HDAC9: variants seen among roughly 807,000 people sequenced by gnomAD.
HDAC9 encodes the protein histone deacetylase 9.
Under a neutral mutation model 139.4 loss-of-function variants are expected in HDAC9, and 41 were observed. That is an observed-to-expected ratio of 0.29 (90% CI 0.23 to 0.38). The LOEUF is 0.38. Ranked by LOEUF, HDAC9 falls within the 10% of genes least tolerant of loss-of-function variation. The probability of loss-of-function intolerance (pLI) is 1.00; values close to 1 mark genes in which losing one functional copy is unlikely to be tolerated. For synonymous variants in HDAC9, 517 were observed against 476.2 expected, an observed-to-expected ratio of 1.09 and a Z score of -1.12; for missense variants, 1,147 against 1,297.0, an observed-to-expected ratio of 0.88 and a Z score of 1.78.
upstream of HDAC9, among the ~76,000 whole-genome samples, chr7:18,286,946 A>G (rs950036594): frequency 3.9e-5 from 6 of 152,204 alleles, no homozygotes; most frequent in Non-Finnish European, 8.8e-5. Context: ...ATCTAATAAA[A>G]GAGATAATGT....
intron 2 of HDAC9, among the ~76,000 whole-genome samples, chr7:18,281,268 T>C (rs1797087705): frequency 6.6e-6 from 1 of 152,230 alleles, no homozygotes; most frequent in Non-Finnish European, 1.5e-5. Context: ...TGTTTTATCG[T>C]GGTATTAGTG....
At chr7:18,815,318 C>T (rs2520356) in intron 17 of HDAC9, among the ~76,000 whole-genome samples, 1,745 of 151,806 alleles carry the variant, frequency 0.011, 32 homozygotes, top group African/African-American at 0.041. Flanking sequence ...AAAAATTTGG[C>T]CAATTGAATT....
At chr7:18,105,846 T>C (rs527856733) in intron 1 of HDAC9, among the ~76,000 whole-genome samples, 5 of 152,268 alleles carry the variant, frequency 3.3e-5, no homozygotes, top group African/African-American at 9.6e-5. Flanking sequence ...ACCTGGTGAA[T>C]AGATAAACAA....
intron 17 of HDAC9, among the ~76,000 whole-genome samples, chr7:18,805,938 C>T (rs1359656314): frequency 6.6e-6 from 1 of 152,162 alleles, no homozygotes; most frequent in East Asian, 1.9e-4. Flanking sequence ...CTCCTCTCCC[C>T]AACACACAGA....
At chr7:18,667,791 A>G in intron 12 of HDAC9, 2 of 984,984 alleles carry the variant, frequency 2.0e-6, no homozygotes, top group Non-Finnish European at 2.4e-6. Context: ...CACCACAAGT[A>G]GGGAAATTGT....
intron 12 of HDAC9, among the ~76,000 whole-genome samples, chr7:18,727,211 C>G (rs1378119401): frequency 6.6e-6 from 1 of 152,194 alleles, no homozygotes; most frequent in African/African-American, 2.4e-5. Flanking sequence ...TGTTCTCCCA[C>G]GTTGTGTGGC....
intron 1 of HDAC9, among the ~76,000 whole-genome samples, chr7:18,409,414 C>CT (rs145165563): frequency 0.036 from 5,438 of 151,984 alleles, 338 homozygotes; most frequent in African/African-American, 0.12. Flanking sequence ...AACGATGGGC[C>CT]TTTTTTTCAC....
intron 12 of HDAC9, among the ~76,000 whole-genome samples, chr7:18,671,656 C>G (rs1417309105): frequency 6.6e-6 from 1 of 152,002 alleles, no homozygotes; most frequent in Non-Finnish European, 1.5e-5. Flanking sequence ...TCACTAGTAT[C>G]TAATTCCAAA....
At chr7:18,713,745 T>C (rs1784508340) in intron 12 of HDAC9, among the ~76,000 whole-genome samples, 1 of 152,148 alleles carries the variant, frequency 6.6e-6, no homozygotes, top group East Asian at 1.9e-4. Flanking sequence ...AGAAGCACCA[T>C]AGTAGATGGT....
intron 21 of HDAC9, among the ~76,000 whole-genome samples, chr7:18,870,892 G>C (rs1351058599): frequency 6.6e-6 from 1 of 152,110 alleles, no homozygotes; most frequent in African/African-American, 2.4e-5. Flanking sequence ...GGAACCCCTA[G>C]GCTCAAGCAA....
chr7:18,771,078 G>A (rs915602348), intron 16 of HDAC9, among the ~76,000 whole-genome samples: 5 of 152,108 alleles, frequency 3.3e-5, no homozygotes, highest in African/African-American at 9.7e-5. Flanking sequence ...AGCTGTGGAC[G>A]AGGGAGAACA....
intron 1 of HDAC9, among the ~76,000 whole-genome samples, chr7:18,144,256 G>C (rs186001344): frequency 6.6e-6 from 1 of 152,274 alleles, no homozygotes; most frequent in East Asian, 1.9e-4. Flanking sequence ...ACACTTTGAG[G>C]TATTTTCTTC....
intron 23 of HDAC9, among the ~76,000 whole-genome samples, chr7:18,946,218 C>A (rs112265219): frequency 2.0e-5 from 3 of 151,992 alleles, no homozygotes; most frequent in African/African-American, 7.2e-5. Flanking sequence ...GTCTTGATAT[C>A]TGCTAGAACA....
chr7:18,166,714 C>CT (rs1363710525), intron 2 of HDAC9, among the ~76,000 whole-genome samples: 1 of 152,072 alleles, frequency 6.6e-6, no homozygotes, highest in Non-Finnish European at 1.5e-5. Context: ...AAGGCCTGCC[C>CT]CTGTTTTTAA....
intron 13 of HDAC9, among the ~76,000 whole-genome samples, chr7:18,732,829 GCGTA>G (rs1343354010): frequency 9.6e-6 from 1 of 104,456 alleles, no homozygotes; most frequent in Admixed American, 8.6e-5. Context: ...GTGTATGTGT[GCGTA>G]TGTGTACACA....
At chr7:18,619,100 A>G (rs889463016) in intron 6 of HDAC9, among the ~76,000 whole-genome samples, 5 of 152,150 alleles carry the variant, frequency 3.3e-5, no homozygotes, top group Admixed American at 2.0e-4. Flanking sequence ...ATTAAAGCAT[A>G]TAAAGGAGTT....
chr7:18,225,604 G>GCAT (rs1793002522), intron 2 of HDAC9, among the ~76,000 whole-genome samples: 2 of 151,926 alleles, frequency 1.3e-5, no homozygotes, highest in African/African-American at 2.4e-5. Context: ...GCATATACAT[G>GCAT]GAATCTTAAA....
intron 22 of HDAC9, among the ~76,000 whole-genome samples, chr7:18,884,395 A>G (rs1327550267): frequency 6.6e-6 from 1 of 152,180 alleles, no homozygotes; most frequent in Non-Finnish European, 1.5e-5. Flanking sequence ...ATAAATCCAT[A>G]CACCATGGTC....
Position 18,749,066 on chromosome 7 carries a change from C to T in HDAC9, c.1971C>T (p.His657=). 1 of 1,613,732 alleles carries T rather than the reference C, an allele frequency of 6.2e-7. No individual in the cohort carries two copies. Among genetic ancestry groups the T allele is most frequent in the Non-Finnish European group, 8.5e-7 (1 of 1,179,776 alleles). The stretch of plus-strand genomic sequence containing the variant: ...GCGTTTGTGGCAATTCCACCACCCA[C>T]CCTGAGCATGCTGGACGAATACAGA... ...HQCVCGNSTT[H]PEHAGRIQSI... is the part of the protein sequence containing the mutation. The change falls in exon 14 of 26, where the codon CAC becomes CAT. Residue 657 remains histidine, a synonymous_variant. Transcript: ENST00000686413.
Sources: gnomAD v4.1 joint callset for allele counts (sites outside exome capture counted in the v4.1 genomes callset) on GRCh38, gnomAD v4.1.1 for gene constraint, MANE v1.5 for transcripts, NCBI Gene and HGNC (gene_info 2026-07-23, HGNC 2026-07-21) for gene names.